The following MTMR6 variants were observed in gnomAD, a reference collection of about 807,000 sequenced individuals.
The protein encoded by MTMR6 is myotubularin related protein 6, also known as phosphatidylinositol-3,5-bisphosphate 3-phosphatase MTMR6.
A neutral mutation model predicts 80.1 loss-of-function variants in MTMR6; 47 were observed. The observed-to-expected ratio is 0.59, with a 90% CI of 0.46 to 0.75. MTMR6 has a LOEUF of 0.75. Among genes scored for constraint, MTMR6 ranks in the 30% least tolerant of loss-of-function variants. The pLI is 0.00. For synonymous variants in MTMR6, 254 were observed against 253.0 expected (o/e 1.00, Z -0.04); for missense variants, 629 against 730.9 (o/e 0.86, Z 1.61).
At chr13:25,249,538 C>T (rs764412728) in intron 13 of MTMR6, 46 bp from the exon 14 acceptor site, 1 of 1,562,510 alleles carries the variant, frequency 6.4e-7, no homozygotes, top group Non-Finnish European at 8.7e-7. Context: ...GCATAAGCCA[C>T]AATATGTTAC....
At chr13:25,276,211 A>G (rs1467268531) in intron 1 of MTMR6, among the ~76,000 whole-genome samples, 1 of 152,294 alleles carries the variant, frequency 6.6e-6, no homozygotes, top group African/African-American at 2.4e-5. Context: ...GAGCCAAACC[A>G]TATCATTTCC....
rs543438977 is a variant in MTMR6 at position 25,261,575 on chromosome 13, A to G, written c.726+93T>C. On this transcript the variant is annotated intron_variant, in intron 6 of 13. Transcript: ENST00000381801. ...TAGTTAATTTAAAACTAGGATTCAG[A>G]TATTTTAAATATGGGCAAGTTTATT... 18 of 1,088,494 alleles carry G rather than the reference A, an allele frequency of 1.7e-5. No homozygotes were observed. In the South Asian group the frequency reaches 4.5e-4, roughly 27 times the overall value. 67.4% of individuals were successfully genotyped at this position (1,088,494 alleles called of 1,614,324 possible).
chr13:25,257,591 A>G, intron 8 of MTMR6, 145 bp downstream of exon 8: 2 of 683,770 alleles, frequency 2.9e-6, no homozygotes, highest in Non-Finnish European at 4.7e-6. Context: ...GATATTTTTA[A>G]GGCTGAAAAT....
At chr13:25,268,703 G>C (rs922787803) in intron 2 of MTMR6, among the ~76,000 whole-genome samples, 1 of 152,138 alleles carries the variant, frequency 6.6e-6, no homozygotes, top group Non-Finnish European at 1.5e-5. Context: ...AGCTGCAGTG[G>C]GGGAGGTGCA....
intron 6 of MTMR6, among the ~76,000 whole-genome samples, chr13:25,259,009 C>A (rs768408302): frequency 6.6e-6 from 1 of 152,142 alleles, no homozygotes; most frequent in Non-Finnish European, 1.5e-5. Context: ...AAAGAAATGT[C>A]TCCTATCTAA....
intron 1 of MTMR6, among the ~76,000 whole-genome samples, chr13:25,279,285 G>A (rs1957792654): frequency 6.6e-6 from 1 of 151,978 alleles, no homozygotes; most frequent in African/African-American, 2.4e-5. Context: ...GAGTTCTAAT[G>A]GTTTTAAAGT....
intron 2 of MTMR6, among the ~76,000 whole-genome samples, chr13:25,272,418 G>A (rs1957599326): frequency 6.6e-6 from 1 of 152,014 alleles, no homozygotes; most frequent in Admixed American, 6.6e-5. Flanking sequence ...TTATAACCTA[G>A]AACTCTTTAT....
At position 25,251,267 on chromosome 13, in the gene MTMR6, C is replaced by T. The variant is rs972700864; in HGVS notation, c.1605+382G>A. Among the ~76,000 whole-genome samples the T allele has an allele frequency of 2.6e-5, 4 of 151,996 alleles. No homozygotes were observed. Among genetic ancestry groups the T allele is most frequent in the Non-Finnish European group, 4.4e-5 (3 of 68,008 alleles). ...AACTCTCCTGACCTGGTGATCCACC[C>T]GCCTCGGCCTCCCAAAGTGCTGGGA... On this transcript the variant is annotated intron_variant, in intron 13 of 13. Transcript: ENST00000381801. The surrounding 1 kb of genome is among the most constrained non-coding windows in gnomAD (Gnocchi z 4.1).
At chr13:25,253,177 T>C (rs1234951003) in intron 11 of MTMR6, among the ~76,000 whole-genome samples, 3 of 152,102 alleles carry the variant, frequency 2.0e-5, no homozygotes, top group Non-Finnish European at 2.9e-5. Flanking sequence ...TCAAGTAGTG[T>C]CTCAGGGCTT....
intron 2 of MTMR6, 110 bp downstream of exon 2, chr13:25,273,961 T>C: frequency 1.3e-6 from 1 of 748,260 alleles, no homozygotes. Flanking sequence ...ATATTTTGGT[T>C]GAGATAGGTA....
At chr13:25,263,854 C>G (rs1180967768) in intron 5 of MTMR6, among the ~76,000 whole-genome samples, 1 of 152,078 alleles carries the variant, frequency 6.6e-6, no homozygotes, top group Non-Finnish European at 1.5e-5. Flanking sequence ...CCACTGCACT[C>G]CAGCCTGGGA....
rs941012058 is a variant in MTMR6 at position 25,257,503 on chromosome 13, C to CA, written c.970-183dup. Among the ~76,000 whole-genome samples, 217 of 138,922 alleles carry CA rather than the reference C, an allele frequency of 1.6e-3. 1 individual carries two copies. The highest frequency in any genetic ancestry group is 4.1e-3 in the East Asian group (20 of 4,890). 91.1% of individuals were successfully genotyped at this position (138,922 alleles called of 152,430 possible). On this transcript the variant is annotated intron_variant, in intron 8 of 13. Transcript: ENST00000381801. ...AACAACAAAAACACAAGCAAACAAA[C>CA]AAAAAAAAAACAAAGAAAAAATGCC...
At chr13:25,264,670 G>A (rs879546048) in intron 5 of MTMR6, among the ~76,000 whole-genome samples, 19 of 148,156 alleles carry the variant, frequency 1.3e-4, no homozygotes, top group Admixed American at 6.2e-4. Flanking sequence ...CAGGAGAATC[G>A]CTTGAACCCG....
chr13:25,251,960 C>CA lies in MTMR6; in HGVS notation c.1370dup (p.Trp458ValfsTer36). ...TTTGGTCTTCCAAAAGAAATGGCCA[C>CA]AGGGAATAAGTCTTCTCCTTCAACC... is the stretch of plus-strand genomic sequence containing the variant. On this transcript the variant is annotated frameshift_variant, in exon 12 of 14. Transcript: ENST00000381801. LOFTEE classifies it high-confidence loss of function. This position sits in a 1 kb window ranked among gnomAD's most constrained non-coding sequence, Gnocchi z 4.1. The CA allele has an allele frequency of 6.2e-7, 1 of 1,611,396 alleles. No individual in the cohort carries two copies. Among genetic ancestry groups the CA allele is most frequent in the Non-Finnish European group, 8.5e-7 (1 of 1,179,096 alleles).
At chr13:25,257,474 T>C (rs1270156752) in intron 8 of MTMR6, among the ~76,000 whole-genome samples, 153 bp from the exon 9 acceptor site, 1 of 150,372 alleles carries the variant, frequency 6.7e-6, no homozygotes, top group African/African-American at 2.4e-5. Context: ...CAACAAAATA[T>C]GGTAACAACA....
At chr13:25,269,085 A>G (rs1038703717) in intron 2 of MTMR6, among the ~76,000 whole-genome samples, 1 of 152,094 alleles carries the variant, frequency 6.6e-6, no homozygotes, top group African/African-American at 2.4e-5. Flanking sequence ...CCCTCTGGAA[A>G]CTGCTTCTGA....
intron 1 of MTMR6, among the ~76,000 whole-genome samples, chr13:25,283,829 GCATATTTC>G (rs1957907004): frequency 6.6e-6 from 1 of 152,144 alleles, no homozygotes; most frequent in African/African-American, 2.4e-5. Flanking sequence ...AACTGTCTCT[GCATATTTC>G]TCATTGTTTC....
At chr13:25,266,701 A>G (rs900412551) in intron 3 of MTMR6, among the ~76,000 whole-genome samples, 4 of 152,254 alleles carry the variant, frequency 2.6e-5, no homozygotes, top group African/African-American at 7.2e-5. Flanking sequence ...ACATCCCTAT[A>G]GGACACTGTT....
At chr13:25,272,931 C>G (rs943806459) in intron 2 of MTMR6, among the ~76,000 whole-genome samples, 2 of 151,958 alleles carry the variant, frequency 1.3e-5, no homozygotes, top group African/African-American at 2.4e-5. Flanking sequence ...ATTTATTTTC[C>G]TTTGAGTATA....
Sources: allele counts gnomAD v4.1 joint callset (sites outside exome capture counted in the v4.1 genomes callset), GRCh38; gene constraint gnomAD v4.1.1; non-coding constraint Gnocchi (gnomAD v3.1); transcripts MANE v1.5; gene names NCBI Gene and HGNC (gene_info 2026-07-23, HGNC 2026-07-21).